The following RNF182 variants were observed in gnomAD, a reference collection of about 807,000 sequenced individuals.
RNF182 encodes the protein ring finger protein 182, also known as E3 ubiquitin-protein ligase RNF182.
A neutral mutation model predicts 14.4 loss-of-function variants in RNF182; 15 were observed. The ratio of observed to expected loss-of-function variants is 1.04; its 90% CI spans 0.70 to 1.60. The LOEUF (loss-of-function observed/expected upper bound fraction) is 1.60, where lower values mean the gene tolerates loss of function less well. RNF182 is among the 40% of genes most tolerant of loss of function. The pLI is 0.00. For synonymous variants in RNF182, 128 were observed against 122.9 expected, an observed-to-expected ratio of 1.04 and a Z score of -0.27; for missense variants, 268 against 294.8, an observed-to-expected ratio of 0.91 and a Z score of 0.67.
intron 1 of RNF182, among the ~76,000 whole-genome samples, chr6:13,961,119 C>T (rs1296678167): frequency 1.3e-5 from 2 of 152,146 alleles, no homozygotes; most frequent in Non-Finnish European, 2.9e-5. Flanking sequence ...TCCCTCTCAG[C>T]TTATCAGGTA....
At chr6:13,965,856 A>G (rs554075276) in intron 1 of RNF182, among the ~76,000 whole-genome samples, 90 of 152,340 alleles carry the variant, frequency 5.9e-4, no homozygotes, top group African/African-American at 2.0e-3. Flanking sequence ...GGGCTTATAT[A>G]GCAGGGCAGA....
chr6:13,977,736 C>CTCT lies in RNF182; in HGVS notation c.618_619insCTT (p.Ser206_Lys207insLeu). On this transcript the variant is annotated inframe_insertion, in exon 3 of 3. Coordinates refer to ENST00000488300, the MANE Select transcript of RNF182 (RefSeq NM_152737.4). ...CCCTTAGGAATCTACTTACTGGTGT[C>CTCT]TAAGAAAGTCACCCTTGGGGTCGTC... 6.2e-7 allele frequency: 1 copy of CTCT among 1,614,168 alleles called. No individual in the cohort carries two copies. Among genetic ancestry groups the CTCT allele is most frequent in the Middle Eastern group, 1.7e-4 (1 of 6,060 alleles).
chr6:13,960,434 G>T (rs1001575), intron 1 of RNF182, among the ~76,000 whole-genome samples: 2,640 of 152,172 alleles, frequency 0.017, 25 homozygotes, highest in Non-Finnish European at 0.027. Flanking sequence ...TTGAGGCCAG[G>T]AATTTGAGAC....
chr6:13,934,132 A>G (rs1376129899), intron 1 of RNF182, among the ~76,000 whole-genome samples: 2 of 152,262 alleles, frequency 1.3e-5, no homozygotes, highest in African/African-American at 4.8e-5. Flanking sequence ...ATTAATTGAA[A>G]TTAAATATGA....
In RNF182 at chr6:13,974,251, A is replaced by G. The variant is rs909488221; in HGVS notation, c.-325A>G. 1 of 152,182 alleles carries G rather than the reference A, an allele frequency of 6.6e-6. No individual in the cohort carries two copies. Among genetic ancestry groups the G allele is most frequent in the Non-Finnish European group, 1.5e-5 (1 of 68,044 alleles). The allele number at this position is 152,182 out of a possible 1,614,324, so 9.4% of individuals were successfully genotyped here. ...TGGCTGCATTTCCAGGGATGCTACC[A>G]GAGCTCAAGGCTGTCACCTGGTCTT... On this transcript the variant is annotated 5_prime_UTR_variant, in exon 2 of 3. Coordinates refer to ENST00000488300, the MANE Select transcript of RNF182 (RefSeq NM_152737.4).
chr6:13,954,980 G>C (rs1203511175), intron 1 of RNF182, among the ~76,000 whole-genome samples: 1 of 152,188 alleles, frequency 6.6e-6, no homozygotes, highest in Non-Finnish European at 1.5e-5. Flanking sequence ...CCCCATCAGT[G>C]AGCACAGGTG....
At chr6:13,929,694 A>G (rs1758917875) in intron 1 of RNF182, among the ~76,000 whole-genome samples, 1 of 152,188 alleles carries the variant, frequency 6.6e-6, no homozygotes, top group South Asian at 2.1e-4. Flanking sequence ...GAGGAAACTA[A>G]TATGATCACT....
At position 13,977,005 on chromosome 6, in the gene RNF182, C is replaced by A; in HGVS notation, c.-115C>A. On this transcript the variant is annotated 5_prime_UTR_variant, in exon 3 of 3. Transcript: ENST00000488300. Reference sequence around the variant, plus strand: ...ATTTCTGGTTTCTTTCACTACTTATCCTGCCTTTTTGCATCGCTGCCAGAT... The same window carrying A: ...ATTTCTGGTTTCTTTCACTACTTATACTGCCTTTTTGCATCGCTGCCAGAT... 13 of 1,122,076 alleles carry A rather than the reference C, an allele frequency of 1.2e-5. No individual in the cohort carries two copies. The highest frequency in any genetic ancestry group is 1.7e-5 in the Non-Finnish European group (13 of 783,054). The allele number at this position is 1,122,076 out of a possible 1,614,324, so 69.5% of individuals were successfully genotyped here. A position where few individuals can be genotyped will look rare whatever the true frequency, so the allele number is the denominator to read the frequency against.
intron 1 of RNF182, among the ~76,000 whole-genome samples, chr6:13,933,119 C>G (rs766691284): frequency 7.2e-5 from 11 of 152,134 alleles, no homozygotes; most frequent in Non-Finnish European, 1.3e-4. Context: ...CAGGCTTGGC[C>G]CTCCTGTGTA....
intron 1 of RNF182, among the ~76,000 whole-genome samples, chr6:13,966,770 C>G (rs1760040692): frequency 7.3e-6 from 1 of 136,478 alleles, no homozygotes; most frequent in African/African-American, 2.6e-5. Flanking sequence ...CCCCACCCCC[C>G]CACCCCCCCA....
Position 13,927,756 on chromosome 6 carries a change from C to T in RNF182, c.-367+2733C>T, listed in dbSNP as rs1025650912. Among the ~76,000 whole-genome samples, 19 of 152,230 alleles carry T rather than the reference C, an allele frequency of 1.2e-4. 1 individual carries two copies. The highest frequency in any genetic ancestry group is 6.3e-3 in the Middle Eastern group (2 of 316). ...CATTCTCTTGCAATTTCTAGTTGCA[C>T]TGTGATAACATGATTACTGGTTGGT... On this transcript the variant is annotated intron_variant, in intron 1 of 2. Transcript: ENST00000488300.
At chr6:13,952,219 A>G (rs1447530226) in intron 1 of RNF182, among the ~76,000 whole-genome samples, 2 of 152,148 alleles carry the variant, frequency 1.3e-5, no homozygotes, top group Non-Finnish European at 2.9e-5. Flanking sequence ...CACTGAATCA[A>G]AAGTCTAGGC....
intron 1 of RNF182, among the ~76,000 whole-genome samples, chr6:13,972,232 G>A (rs993283033): frequency 6.6e-6 from 1 of 151,552 alleles, no homozygotes; most frequent in Admixed American, 6.6e-5. Flanking sequence ...GTGTACCCAG[G>A]AGGTGGAACT....
In RNF182 at chr6:13,971,437, C is replaced by T. The variant is rs558647761; in HGVS notation, c.-366-2773C>T. Among the ~76,000 whole-genome samples, 35 of 152,208 alleles carry T rather than the reference C, an allele frequency of 2.3e-4. 1 individual carries two copies. The highest frequency in any genetic ancestry group is 8.3e-4 in the South Asian group (4 of 4,814). On this transcript the variant is annotated intron_variant, in intron 1 of 2. Coordinates refer to ENST00000488300, the MANE Select transcript of RNF182 (RefSeq NM_152737.4). ...TAACCCTCTTTTTCTTTATAAATTA[C>T]TTAGTCTTGGGTATATCTTTATTAG...
At chr6:13,947,345 A>G (rs1183446286) in intron 1 of RNF182, among the ~76,000 whole-genome samples, 5 of 152,208 alleles carry the variant, frequency 3.3e-5, no homozygotes, top group South Asian at 2.1e-4. Context: ...TCCAGTCCCT[A>G]TTTTTATTTA....
At chr6:13,929,428 CTCTTGAATTTTAAATCTACAATAA>C (rs1313858592) in intron 1 of RNF182, among the ~76,000 whole-genome samples, 62 of 152,274 alleles carry the variant, frequency 4.1e-4, no homozygotes, top group African/African-American at 1.3e-3. Flanking sequence ...TTTATTCAAA[CTCTTGAATTTTAAATCTACAATAA>C]AAGGTTTCTG....
At chr6:13,966,021 G>A (rs975484384) in intron 1 of RNF182, among the ~76,000 whole-genome samples, 1 of 152,110 alleles carries the variant, frequency 6.6e-6, no homozygotes, top group Non-Finnish European at 1.5e-5. Flanking sequence ...TCCTGAGGAC[G>A]GAGCTCAGAT....
intron 1 of RNF182, among the ~76,000 whole-genome samples, chr6:13,940,275 C>T (rs1003193926): frequency 2.0e-5 from 3 of 152,080 alleles, no homozygotes; most frequent in Non-Finnish European, 2.9e-5. Flanking sequence ...ATGATTTGTT[C>T]CTCCTTTATT....
intron 1 of RNF182, among the ~76,000 whole-genome samples, chr6:13,940,733 A>G (rs1759274773): frequency 6.6e-6 from 1 of 152,022 alleles, no homozygotes; most frequent in Non-Finnish European, 1.5e-5. Flanking sequence ...GAAGCTCTGC[A>G]TTTTCCTCAA....
Sources: allele counts gnomAD v4.1 joint callset (sites outside exome capture counted in the v4.1 genomes callset), GRCh38; gene constraint gnomAD v4.1.1; transcripts MANE v1.5; gene names NCBI Gene and HGNC (gene_info 2026-07-23, HGNC 2026-07-21).